Variants in FAM151A observed in about 807,000 individuals in gnomAD.
The protein encoded by FAM151A is protein FAM151A.
In FAM151A, 41 loss-of-function variants were observed where a neutral mutation model predicts 40.4. The ratio of observed to expected loss-of-function variants is 1.01; its 90% CI spans 0.79 to 1.32. FAM151A has a LOEUF of 1.32. Ranked by LOEUF, FAM151A falls within the 40% of genes most tolerant of loss-of-function variation. FAM151A has a pLI of 0.00. For missense variants in FAM151A, 740 were observed against 740.4 expected (o/e 1.00, Z 0.01); for synonymous variants, 337 against 312.5 (o/e 1.08, Z -0.83).
At chr1:54,622,933 G>A (rs1043179182) in intron 1 of FAM151A, among the ~76,000 whole-genome samples, 4 of 152,012 alleles carry the variant, frequency 2.6e-5, no homozygotes, top group African/African-American at 9.7e-5. Context: ...CCAGCACTTT[G>A]AGAGGCTGAG....
Position 54,609,708 on chromosome 1 carries a change from G to A in FAM151A, c.1318C>T (p.Pro440Ser). The A allele has an allele frequency of 6.2e-7, 1 of 1,614,064 alleles. No individual in the cohort carries two copies. Among genetic ancestry groups the A allele is most frequent in the Non-Finnish European group, 8.5e-7 (1 of 1,180,012 alleles). Residue 440 changes from proline to serine, a missense_variant, in exon 8 of 8, where the codon CCT (proline) becomes TCT (serine). By Grantham distance (74) the Pro-to-Ser change is moderately conservative. Transcript: ENST00000302250. ...GAGATTTTGGCCCCAACCCACACAG[G>A]CCAATGCAAGAGGCCAAGGCTGGAG... is the stretch of plus-strand genomic sequence containing the variant. ...RLSSLGLLHW[P>S]VWVGAKISHG...
rs767625864 is a variant in FAM151A, at chr1:54,620,845, C to CAAA, written c.119-841_119-839dup. The stretch of plus-strand genomic sequence containing the variant: ...CCTGGATGACACAAAGAGACTCTGT[C>CAAA]AAAAAAAAAAAAAAAAAAAAAAAAA... On this transcript the variant is annotated intron_variant, in intron 1 of 7. Transcript: ENST00000302250. Among the ~76,000 whole-genome samples, 108 of 12,100 alleles carry CAAA rather than the reference C, an allele frequency of 8.9e-3. 20 individuals are homozygous for CAAA. Among genetic ancestry groups the CAAA allele is most frequent in the African/African-American group, 0.026 (82 of 3,184 alleles). The allele number at this position is 12,100 out of a possible 152,430, so 7.9% of individuals were successfully genotyped here.
At chr1:54,617,961 A>G (rs1345500702) in intron 2 of FAM151A, among the ~76,000 whole-genome samples, 1 of 151,886 alleles carries the variant, frequency 6.6e-6, no homozygotes, top group African/African-American at 2.4e-5. Flanking sequence ...TCCTGACCTC[A>G]GGTGATCCAC....
chr1:54,620,035 C>A, intron 1 of FAM151A, 28 bp from the exon 2 acceptor site: 1 of 1,609,836 alleles, frequency 6.2e-7, no homozygotes, highest in Non-Finnish European at 8.5e-7. Flanking sequence ...GGGCTGTTAG[C>A]GTCTGTCCTC....
Position 54,614,869 on chromosome 1 carries a change from A to C in FAM151A, c.416-10T>G. 1 of 1,612,874 alleles carries C rather than the reference A, an allele frequency of 6.2e-7. No individual in the cohort carries two copies. Among genetic ancestry groups the C allele is most frequent in the South Asian group, 1.1e-5 (1 of 90,822 alleles). On this transcript the variant is annotated splice_polypyrimidine_tract_variant and intron_variant, in intron 3 of 7. Coordinates refer to ENST00000302250, the MANE Select transcript of FAM151A (RefSeq NM_176782.3). Reference sequence around the variant, plus strand: ...AAGTCCAGTTTGATGCCTGTGGGGAAAGGAACAAGGGCTTGGGGAAATGGC... The same window carrying C: ...AAGTCCAGTTTGATGCCTGTGGGGACAGGAACAAGGGCTTGGGGAAATGGC...
chr1:54,618,294 A>C (rs1569796527), intron 2 of FAM151A, among the ~76,000 whole-genome samples: 3 of 152,240 alleles, frequency 2.0e-5, no homozygotes, highest in Middle Eastern at 3.4e-3. Context: ...ACTTGAGTTT[A>C]GGAGTTCGAG....
intron 2 of FAM151A, 54 bp from the exon 3 acceptor site, chr1:54,616,226 C>T: frequency 6.7e-7 from 1 of 1,487,658 alleles, no homozygotes; most frequent in Non-Finnish European, 9.2e-7. Context: ...AAGAAAACTT[C>T]TTTCTCATCA....
chr1:54,609,194 A>G lies in FAM151A; in HGVS notation c.*74T>C. ...ACATACAGTGCCTGGAGAAAGCCAA[A>G]GACCTTTATTTCTTCCTGCCTCCCC... On this transcript the variant is annotated 3_prime_UTR_variant, in exon 8 of 8. Transcript: ENST00000302250. 2.5e-6 allele frequency: 4 copies of G among 1,599,184 alleles called. No homozygotes were observed. Among genetic ancestry groups the G allele is most frequent in the Non-Finnish European group, 1.7e-6 (2 of 1,171,802 alleles).
chr1:54,615,920 G>C (rs1484461215), intron 3 of FAM151A, 100 bp downstream of exon 3: 58 of 1,249,522 alleles, frequency 4.6e-5, no homozygotes, highest in Non-Finnish European at 6.6e-5. Context: ...TGAGCACCTC[G>C]TGTCAGGGCT....
At chr1:54,614,641 G>T in intron 4 of FAM151A, 59 bp downstream of exon 4, 1 of 1,534,190 alleles carries the variant, frequency 6.5e-7, no homozygotes, top group Non-Finnish European at 8.9e-7. Context: ...TCCCCATCCT[G>T]TGGTAGGTGT....
In FAM151A at chr1:54,611,674, T is replaced by C; in HGVS notation, c.872A>G (p.Asn291Ser). The C allele has an allele frequency of 6.2e-7, 1 of 1,614,076 alleles. No individual in the cohort carries two copies. Among genetic ancestry groups the C allele is most frequent in the Non-Finnish European group, 8.5e-7 (1 of 1,179,996 alleles). ...ATAGTAGACTTGGTGGACAGCAGTGTTATCCCGGACGTAGAGCAGATCTTC... is the reference window on the plus strand; with the variant it reads ...ATAGTAGACTTGGTGGACAGCAGTGCTATCCCGGACGTAGAGCAGATCTTC... ...SVEDLLYVRD[N>S]TAVHQVYYDI... Residue 291 changes from asparagine to serine, a missense_variant, in exon 6 of 8, where the codon AAC becomes AGC. Transcript: ENST00000302250.
Position 54,612,531 on chromosome 1 carries a change from C to G in FAM151A, c.755G>C (p.Arg252Pro), listed in dbSNP as rs374920979. The change falls in exon 5 of 8, where the codon CGG (arginine) becomes CCG (proline). Residue 252 changes from arginine to proline, a missense_variant. By Grantham distance (103) the Arg-to-Pro change is moderately radical. Coordinates refer to ENST00000302250, the MANE Select transcript of FAM151A (RefSeq NM_176782.3). Reference protein sequence around the residue: ...VTFPVRSSMVRAAWPHFSWLL... With the variant: ...VTFPVRSSMVPAAWPHFSWLL... The stretch of plus-strand genomic sequence containing the variant: ...CCAGCTGAAGTGGGGCCAGGCAGCC[C>G]GCACCATGGAAGACCGTACAGGGAA... 8.1e-6 allele frequency: 13 copies of G among 1,613,878 alleles called. No homozygotes were observed. In the African/African-American group the frequency reaches 1.5e-4, roughly 18 times the overall value.
At chr1:54,617,712 T>TTTTTTTC (rs1644188041) in intron 2 of FAM151A, among the ~76,000 whole-genome samples, 1 of 47,232 alleles carries the variant, frequency 2.1e-5, no homozygotes. Context: ...GCCTGAGATT[T>TTTTTTTC]TTTTTTTTTT....
chr1:54,610,066 C>CA (rs1166700697), intron 7 of FAM151A, 125 bp from the exon 8 acceptor site: 3 of 1,440,214 alleles, frequency 2.1e-6, no homozygotes, highest in Non-Finnish European at 2.7e-6. Flanking sequence ...TGGAATCTGT[C>CA]AACCCAGTTT....
intron 1 of FAM151A, among the ~76,000 whole-genome samples, chr1:54,620,771 C>T (rs1644221951): frequency 6.9e-6 from 1 of 145,446 alleles, no homozygotes; most frequent in Non-Finnish European, 1.5e-5. Context: ...ATCACCTGAA[C>T]CCGAGAGGTG....
chr1:54,617,244 G>A (rs990666376), intron 2 of FAM151A, among the ~76,000 whole-genome samples: 12 of 152,084 alleles, frequency 7.9e-5, no homozygotes, highest in Non-Finnish European at 1.5e-4. Flanking sequence ...CATGCAAGGG[G>A]CACTCACACT....
intron 2 of FAM151A, among the ~76,000 whole-genome samples, chr1:54,618,505 A>AAAAC (rs962432760): frequency 3.0e-4 from 45 of 152,146 alleles, no homozygotes; most frequent in Non-Finnish European, 4.4e-4. Context: ...ATCCTGTCTC[A>AAAAC]AAACAAACAA....
chr1:54,614,291 A>C (rs1378542464), intron 4 of FAM151A, among the ~76,000 whole-genome samples: 1 of 152,202 alleles, frequency 6.6e-6, no homozygotes, highest in Non-Finnish European at 1.5e-5. Context: ...CTTCTCTAGC[A>C]GGCCAAATCC....
intron 2 of FAM151A, among the ~76,000 whole-genome samples, chr1:54,616,681 AG>A (rs1225686049): frequency 6.6e-6 from 1 of 152,120 alleles, no homozygotes; most frequent in Non-Finnish European, 1.5e-5. Context: ...CCCTATGCAT[AG>A]TTTTTACACA....
Sources: gnomAD v4.1 joint callset for allele counts (sites outside exome capture counted in the v4.1 genomes callset) on GRCh38, gnomAD v4.1.1 for gene constraint, MANE v1.5 for transcripts, NCBI Gene and HGNC (gene_info 2026-07-23, HGNC 2026-07-21) for gene names.